SLC24A2: variants seen among roughly 807,000 people sequenced by gnomAD.
SLC24A2 encodes solute carrier family 24 member 2, also known as sodium/potassium/calcium exchanger 2.
In SLC24A2, 36 loss-of-function variants were observed where a neutral mutation model predicts 62.0. The observed-to-expected ratio is 0.58, with a 90% CI of 0.44 to 0.77. The LOEUF is 0.77. Among genes scored for constraint, SLC24A2 ranks in the 30% least tolerant of loss-of-function variants. The probability of loss-of-function intolerance (pLI) is 0.00; values close to 1 mark genes in which losing one functional copy is unlikely to be tolerated. For synonymous variants in SLC24A2, 358 were observed against 294.0 expected (o/e 1.22, Z -2.23); for missense variants, 846 against 817.9 (o/e 1.03, Z -0.42).
Position 19,515,902 on chromosome 9 carries a change from T to A in SLC24A2, c.*251A>T. Reference sequence around the variant, plus strand: ...ACCAGCGAGGTGTACTTGTCAGTGGTGAATAGGGAGAAGCCCTGTATTGAC... The same window carrying A: ...ACCAGCGAGGTGTACTTGTCAGTGGAGAATAGGGAGAAGCCCTGTATTGAC... On this transcript the variant is annotated 3_prime_UTR_variant, in exon 11 of 11. Coordinates refer to ENST00000341998, the MANE Select transcript of SLC24A2 (RefSeq NM_020344.4). The A allele has an allele frequency of 8.1e-6, 4 of 493,898 alleles. No individual in the cohort carries two copies. The highest frequency in any genetic ancestry group is 6.0e-5 in the South Asian group (3 of 49,810). 30.6% of individuals were successfully genotyped at this position (493,898 alleles called of 1,614,324 possible).
At chr9:19,609,580 C>T (rs1027633483) in intron 4 of SLC24A2, among the ~76,000 whole-genome samples, 1 of 152,116 alleles carries the variant, frequency 6.6e-6, no homozygotes, top group Non-Finnish European at 1.5e-5. Flanking sequence ...TTATGTTCTT[C>T]AGAAATGATG....
chr9:20,059,619 T>C, the SLC24A2 span, among the ~76,000 whole-genome samples: 2 of 152,116 alleles, frequency 1.3e-5, no homozygotes, highest in Non-Finnish European at 2.9e-5. Flanking sequence ...AAACATAGCA[T>C]ACCAAAACTT....
chr9:20,139,231 A>T, the SLC24A2 span, among the ~76,000 whole-genome samples: 1 of 152,194 alleles, frequency 6.6e-6, no homozygotes, highest in East Asian at 1.9e-4. Context: ...TTATGTAGTG[A>T]TTAAATGCAG....
the SLC24A2 span, among the ~76,000 whole-genome samples, chr9:20,305,625 A>G: frequency 6.6e-6 from 1 of 152,250 alleles, no homozygotes; most frequent in African/African-American, 2.4e-5. Context: ...AGTCTAGCAG[A>G]GACTATGCTA....
chr9:19,563,007 G>C (rs948917284), intron 7 of SLC24A2, among the ~76,000 whole-genome samples: 17 of 152,204 alleles, frequency 1.1e-4, no homozygotes, highest in Non-Finnish European at 2.9e-5. Flanking sequence ...TTGTGAAGCT[G>C]AGGTGGGAGG....
intron 2 of SLC24A2, among the ~76,000 whole-genome samples, chr9:19,784,267 C>G (rs1361194723): frequency 6.6e-6 from 1 of 152,182 alleles, no homozygotes. Flanking sequence ...ACTAAACCAT[C>G]TTCCACCCCA....
At chr9:20,048,516 C>G in the SLC24A2 span, among the ~76,000 whole-genome samples, 1 of 152,132 alleles carries the variant, frequency 6.6e-6, no homozygotes, top group Non-Finnish European at 1.5e-5. Flanking sequence ...AGAAAAACTG[C>G]TTCATGTTTT....
the SLC24A2 span, among the ~76,000 whole-genome samples, chr9:20,072,765 G>A: frequency 6.6e-6 from 1 of 152,004 alleles, no homozygotes; most frequent in Non-Finnish European, 1.5e-5. Context: ...AGAGAAAGGA[G>A]CCATAAGCCA....
chr9:20,163,653 C>A, the SLC24A2 span, among the ~76,000 whole-genome samples: 137 of 151,522 alleles, frequency 9.0e-4, no homozygotes, highest in Middle Eastern at 3.4e-3. Context: ...TATGGAACCA[C>A]AAAAGAGCCC....
chr9:19,631,547 A>G (rs1818179388), intron 2 of SLC24A2, among the ~76,000 whole-genome samples: 2 of 152,150 alleles, frequency 1.3e-5, no homozygotes, highest in African/African-American at 2.4e-5. Flanking sequence ...GGTCTTACAT[A>G]TTACACATCT....
chr9:19,683,792 A>G (rs1416590391), intron 2 of SLC24A2, among the ~76,000 whole-genome samples: 1 of 151,962 alleles, frequency 6.6e-6, no homozygotes, highest in Non-Finnish European at 1.5e-5. Context: ...TAAAAACATT[A>G]TTTTTTTGAG....
At chr9:19,624,206 T>A (rs1817976945) in intron 2 of SLC24A2, among the ~76,000 whole-genome samples, 1 of 152,130 alleles carries the variant, frequency 6.6e-6, no homozygotes, top group African/African-American at 2.4e-5. Context: ...TAGACATACA[T>A]TGAGATTAAC....
At chr9:20,047,622 T>A in the SLC24A2 span, among the ~76,000 whole-genome samples, 1 of 140,720 alleles carries the variant, frequency 7.1e-6, no homozygotes, top group East Asian at 2.3e-4. Flanking sequence ...CTTCACTGTG[T>A]CTGGTGACAG....
the SLC24A2 span, among the ~76,000 whole-genome samples, chr9:20,023,674 T>C: frequency 5.3e-4 from 80 of 152,294 alleles, no homozygotes; most frequent in African/African-American, 1.9e-3. Context: ...AGCCTTAAGG[T>C]ACCAACTTTT....
chr9:19,642,983 ATTCTTTTT>A (rs1395133919), intron 2 of SLC24A2, among the ~76,000 whole-genome samples: 3 of 105,086 alleles, frequency 2.9e-5, no homozygotes, highest in African/African-American at 1.1e-4. Flanking sequence ...CCTGGCCAGT[ATTCTTTTT>A]TTTTTTTTTT....
At chr9:20,279,565 T>C in the SLC24A2 span, among the ~76,000 whole-genome samples, 1 of 152,292 alleles carries the variant, frequency 6.6e-6, no homozygotes, top group East Asian at 1.9e-4. Context: ...TAAAGGCTAT[T>C]TTTTAAAAAG....
At chr9:19,789,549 T>C (rs73432077), upstream of SLC24A2, among the ~76,000 whole-genome samples, 3,812 of 152,298 alleles carry the variant, frequency 0.025, 175 homozygotes, top group African/African-American at 0.087. Context: ...TGACCTTTCA[T>C]TTCATGGGTG....
At chr9:19,860,253 G>C in the SLC24A2 span, among the ~76,000 whole-genome samples, 452 of 152,230 alleles carry the variant, frequency 3.0e-3, 1 homozygote, top group African/African-American at 0.01. Flanking sequence ...TTGGATACCA[G>C]TTCAGCCACA....
At chr9:20,219,578 C>T in the SLC24A2 span, among the ~76,000 whole-genome samples, 1 of 152,166 alleles carries the variant, frequency 6.6e-6, no homozygotes, top group Non-Finnish European at 1.5e-5. Context: ...TTAATAGTGC[C>T]TTCGTTGGTA....
Sources: gnomAD v4.1 joint callset for allele counts (sites outside exome capture counted in the v4.1 genomes callset) on GRCh38, gnomAD v4.1.1 for gene constraint, MANE v1.5 for transcripts, NCBI Gene and HGNC (gene_info 2026-07-23, HGNC 2026-07-21) for gene names.